Variants in TBC1D25 observed in about 807,000 individuals in gnomAD.
TBC1D25 encodes the protein 5SN3 snoRNA.
A neutral mutation model predicts 38.8 loss-of-function variants in TBC1D25; 13 were observed. That is an observed-to-expected ratio of 0.34 (90% confidence interval 0.22 to 0.53). TBC1D25 has a LOEUF of 0.53. Ranked by LOEUF, TBC1D25 falls within the 20% of genes least tolerant of loss-of-function variation. The pLI is 0.94. For missense variants in TBC1D25, 372 were observed against 600.0 expected, an observed-to-expected ratio of 0.62 and a Z score of 3.97; for synonymous variants, 225 against 255.6, an observed-to-expected ratio of 0.88 and a Z score of 1.14.
chrX:48,554,559 CAA>C (rs60207287), intron 3 of TBC1D25, among the ~76,000 whole-genome samples: 25 of 51,881 alleles, frequency 4.8e-4, no homozygotes, highest in East Asian at 1.1e-3. Flanking sequence ...GACTCCATCT[CAA>C]AAAAAAAAAA....
chrX:48,539,813 G>C lies in TBC1D25; in HGVS notation c.16G>C (p.Gly6Arg). ...CGGCGGCGGGATGGCAACAGCCTCC[G>C]GGGCCTCGGACTTGTCTGGCTCCGG... The part of the protein sequence containing the change: MATAS[G>R]ASDLSGSGAP... Residue 6 changes from glycine (G) to arginine (R), a missense_variant, in exon 1 of 6, where the codon GGG becomes CGG. Transcript: ENST00000376771. 2 of 964,347 alleles carry C rather than the reference G, an allele frequency of 2.1e-6. No homozygotes were observed. Among genetic ancestry groups the C allele is most frequent in the Non-Finnish European group, 2.6e-6 (2 of 767,635 alleles). 79.5% of individuals were successfully genotyped at this position (964,347 alleles called of 1,213,427 possible).
intron 3 of TBC1D25, among the ~76,000 whole-genome samples, chrX:48,553,264 A>G (rs1556983765): frequency 9.4e-6 from 1 of 105,914 alleles, no homozygotes; most frequent in Non-Finnish European, 1.9e-5. Context: ...ATAATATATA[A>G]TATATAAATA....
chrX:48,541,171 A>G, intron 1 of TBC1D25, 162 bp from the exon 2 acceptor site: 1 of 487,144 alleles, frequency 2.1e-6, no homozygotes, highest in Non-Finnish European at 3.7e-6. Flanking sequence ...GGGGGCCTGA[A>G]CTCTTGCAGT....
chrX:48,552,747 C>T (rs1321370801), intron 3 of TBC1D25, among the ~76,000 whole-genome samples: 1 of 110,176 alleles, frequency 9.1e-6, no homozygotes, highest in Non-Finnish European at 1.9e-5. Flanking sequence ...AATTCTTATT[C>T]GTTTTCTGGT....
intron 3 of TBC1D25, among the ~76,000 whole-genome samples, chrX:48,549,285 C>T (rs1375980687): frequency 2.7e-5 from 3 of 112,340 alleles, no homozygotes; most frequent in African/African-American, 9.7e-5. Flanking sequence ...ATCCACCCAC[C>T]TCGGCCTCTC....
chrX:48,543,588 T>C (rs1330167640), intron 2 of TBC1D25, among the ~76,000 whole-genome samples: 1 of 105,434 alleles, frequency 9.5e-6, no homozygotes, highest in Non-Finnish European at 2.0e-5. Context: ...ACAGGTTTTA[T>C]CAATTTATGA....
In TBC1D25 at chrX:48,560,912, T is replaced by G; in HGVS notation, c.2004T>G (p.Ala668=). Reference sequence around the variant, plus strand: ...TGCGCCGGGCTAGGGCTCTCTTTGCTGATTACCTGCAGTCAGAGGTGTGGG... The same window carrying G: ...TGCGCCGGGCTAGGGCTCTCTTTGCGGATTACCTGCAGTCAGAGGTGTGGG... ...RVLRRARALF[A]DYLQSEVWDS... The change falls in exon 6 of 6, where the codon GCT becomes GCG. Residue 668 remains alanine, a synonymous_variant. Coordinates refer to ENST00000376771, the MANE Select transcript of TBC1D25 (RefSeq NM_002536.4). The G allele has an allele frequency of 8.3e-7, 1 of 1,211,181 alleles. No individual in the cohort carries two copies.
Position 48,560,002 on chromosome X carries a change from A to G in TBC1D25, c.1094A>G (p.Asn365Ser), listed in dbSNP as rs2147195695. ...GGCATCATGAAACGCCTGGCCGCCAACTTCCACCCTGACGGCCGCGCCATG... is the reference window on the plus strand; with the variant it reads ...GGCATCATGAAACGCCTGGCCGCCAGCTTCCACCCTGACGGCCGCGCCATG... ...FCGIMKRLAA[N>S]FHPDGRAMAT... The change falls in exon 6 of 6, where the codon AAC becomes AGC. Residue 365 changes from asparagine (N) to serine (S), a missense_variant. Asn to Ser is a conservative substitution (Grantham distance 46). Around this residue, in one of 2 missense-constraint regions of TBC1D25, gnomAD observed 312 missense variants for 549.3 expected, o/e 0.57. Coordinates refer to ENST00000376771, the MANE Select transcript of TBC1D25 (RefSeq NM_002536.4). The G allele has an allele frequency of 8.3e-7, 1 of 1,210,942 alleles. No individual in the cohort carries two copies. The highest frequency in any genetic ancestry group is 1.1e-6 in the Non-Finnish European group (1 of 895,133).
At chrX:48,543,525 G>A (rs979620318) in intron 2 of TBC1D25, among the ~76,000 whole-genome samples, 2 of 105,464 alleles carry the variant, frequency 1.9e-5, no homozygotes, top group African/African-American at 6.9e-5. Flanking sequence ...ATGAGCCACC[G>A]CACCTGGCCT....
Position 48,544,624 on chromosome X carries a change from AT to A in TBC1D25, c.234-241del, listed in dbSNP as rs1202571371. On this transcript the variant is annotated intron_variant, in intron 2 of 5. Transcript: ENST00000376771. ...GCGTGAGCCACTGCACCCGGCCAACATTTTACCAGTTTCCAATGTGACCTCC... is the reference window on the plus strand; with the variant it reads ...GCGTGAGCCACTGCACCCGGCCAACATTTACCAGTTTCCAATGTGACCTCC... Among the ~76,000 whole-genome samples the A allele has an allele frequency of 2.7e-5, 3 of 111,186 alleles. No homozygotes were observed. The Admixed American group carries it at 2.9e-4, about 11-fold the overall frequency.
intron 3 of TBC1D25, among the ~76,000 whole-genome samples, chrX:48,546,212 CAAAA>C (rs782072122): frequency 3.5e-5 from 2 of 57,035 alleles, no homozygotes; most frequent in Non-Finnish European, 6.2e-5. Context: ...GACTTCATCT[CAAAA>C]AAAAAAAAAA....
At chrX:48,551,863 G>A (rs1250974751) in intron 3 of TBC1D25, among the ~76,000 whole-genome samples, 5 of 108,407 alleles carry the variant, frequency 4.6e-5, no homozygotes, top group African/African-American at 1.3e-4. Context: ...CTTGTGATCC[G>A]CCCACCTCAG....
rs1273030838 is a variant in TBC1D25 at position 48,562,061 on chromosome X, C to T, written c.*1086C>T. 8.9e-6 allele frequency: 1 copy of T among 112,379 alleles called. No individual in the cohort carries two copies. Among genetic ancestry groups the T allele is most frequent in the African/African-American group, 3.2e-5 (1 of 30,952 alleles). 9.3% of individuals were successfully genotyped at this position (112,379 alleles called of 1,213,427 possible). On this transcript the variant is annotated 3_prime_UTR_variant, in exon 6 of 6. Transcript: ENST00000376771. ...AGGTCCTTTTTCCCACTGACATGCT[C>T]AGAGGGTGGGATTCTCTCACAGGCC...
At chrX:48,540,560 T>A (rs1424848424) in intron 1 of TBC1D25, among the ~76,000 whole-genome samples, 6 of 111,749 alleles carry the variant, frequency 5.4e-5, no homozygotes, top group Non-Finnish European at 1.1e-4. Flanking sequence ...GAGCCTGGCA[T>A]GTTCCCGTAG....
At position 48,559,032 on chromosome X, in the gene TBC1D25, C is replaced by G; in HGVS notation, c.516+8C>G. The G allele has an allele frequency of 4.1e-6, 5 of 1,211,027 alleles. No homozygotes were observed. The highest frequency in any genetic ancestry group is 5.6e-6 in the Non-Finnish European group (5 of 895,111). The stretch of plus-strand genomic sequence containing the variant: ...CAGTCCATCCTCACTCAGGTGTTTT[C>G]AGGGACCCTAGGGACCCAGCTGTGG... On this transcript the variant is annotated splice_region_variant and intron_variant, in intron 4 of 5. Coordinates refer to ENST00000376771, the MANE Select transcript of TBC1D25 (RefSeq NM_002536.4).
chrX:48,542,026 C>CTTTT (rs782768482), intron 2 of TBC1D25, among the ~76,000 whole-genome samples: 11 of 87,829 alleles, frequency 1.3e-4, no homozygotes, highest in Admixed American at 2.7e-4. Context: ...CTTTTTATTT[C>CTTTT]TTTTTTTTTT....
At position 48,542,263 on chromosome X, in the gene TBC1D25, G is replaced by C. The variant is rs1556980522; in HGVS notation, c.233+821G>C. On this transcript the variant is annotated intron_variant, in intron 2 of 5. Transcript: ENST00000376771. ...AGCTCACTGCAACCTCCGCTTCCCG[G>C]GTTCAAGTGATTCTCCTGCCTCAGC... 3.8e-5 allele frequency among the ~76,000 whole-genome samples: 4 copies of C among 106,459 alleles called. 1 individual carries two copies. The allele number at this position is 106,459 out of a possible 115,157, so 92.4% of individuals were successfully genotyped here. A position where few individuals can be genotyped will look rare whatever the true frequency, so the allele number is the denominator to read the frequency against.
chrX:48,544,755 A>G, intron 2 of TBC1D25, 114 bp from the exon 3 acceptor site: 1 of 959,748 alleles, frequency 1.0e-6, no homozygotes, highest in Non-Finnish European at 1.4e-6. Flanking sequence ...TACCTTGCAC[A>G]TAGTAGGAAG....
chrX:48,543,008 A>C (rs2147169422), intron 2 of TBC1D25, among the ~76,000 whole-genome samples: 1 of 111,289 alleles, frequency 9.0e-6, no homozygotes, highest in Non-Finnish European at 1.9e-5. Flanking sequence ...TATTATTGTT[A>C]ATCTCTTACT....
Sources: allele counts gnomAD v4.1 joint callset (sites outside exome capture counted in the v4.1 genomes callset), GRCh38; gene constraint gnomAD v4.1.1; regional missense constraint gnomAD v4.1.1; transcripts MANE v1.5; gene names NCBI Gene and HGNC (gene_info 2026-07-23, HGNC 2026-07-21).